The following LRRC37A2 variants were observed in gnomAD, a reference collection of about 807,000 sequenced individuals.
The protein encoded by LRRC37A2 is leucine-rich repeat-containing protein 37A2.
A neutral mutation model predicts 68.8 loss-of-function variants in LRRC37A2; 9 were observed. The ratio of observed to expected loss-of-function variants is 0.13; its 90% CI spans 0.08 to 0.23. The LOEUF (loss-of-function observed/expected upper bound fraction) is 0.23, where lower values mean the gene tolerates loss of function less well. Among genes scored for constraint, LRRC37A2 ranks in the 10% least tolerant of loss-of-function variants. The pLI is 1.00. For missense variants in LRRC37A2, 168 were observed against 950.4 expected, an observed-to-expected ratio of 0.18 and a Z score of 10.82; for synonymous variants, 63 against 367.6, an observed-to-expected ratio of 0.17 and a Z score of 9.48.
the LRRC37A2 span, among the ~76,000 whole-genome samples, chr17:46,959,336 C>A: frequency 6.6e-6 from 1 of 152,200 alleles, no homozygotes; most frequent in Non-Finnish European, 1.5e-5. Context: ...ATAAATCCAA[C>A]CCCGTTCCCC....
chr17:46,622,402 A>G, the LRRC37A2 span, among the ~76,000 whole-genome samples: 1 of 149,412 alleles, frequency 6.7e-6, no homozygotes, highest in Non-Finnish European at 1.5e-5. Flanking sequence ...AGCTTGCAGT[A>G]AGCCGATATC....
the LRRC37A2 span, among the ~76,000 whole-genome samples, chr17:46,626,882 C>CT: frequency 1.3e-3 from 4 of 2,970 alleles, 1 homozygote; most frequent in Non-Finnish European, 0.012. Flanking sequence ...TTTTTTTTTT[C>CT]TTTTTTTTTT....
At chr17:46,732,337 T>G in the LRRC37A2 span, among the ~76,000 whole-genome samples, 1 of 152,066 alleles carries the variant, frequency 6.6e-6, no homozygotes, top group African/African-American at 2.4e-5. Flanking sequence ...TATTCTCTTT[T>G]CTCCTTCCAC....
chr17:46,758,477 A>G, the LRRC37A2 span, among the ~76,000 whole-genome samples: 2 of 152,230 alleles, frequency 1.3e-5, no homozygotes, highest in African/African-American at 4.8e-5. Context: ...GGCTCCAGCT[A>G]GCTGCTGCCT....
At chr17:46,938,636 T>C in the LRRC37A2 span, 5 of 1,614,078 alleles carry the variant, frequency 3.1e-6, no homozygotes, top group African/African-American at 1.3e-5. Flanking sequence ...GCCAACATGC[T>C]GGGCTTGTCC....
At chr17:46,756,774 A>T in the LRRC37A2 span, 2 of 152,588 alleles carry the variant, frequency 1.3e-5, no homozygotes, top group Non-Finnish European at 2.9e-5. Context: ...TAGTGTCTAA[A>T]ACACTATTCT....
chr17:46,873,267 C>T, the LRRC37A2 span, among the ~76,000 whole-genome samples: 2 of 152,088 alleles, frequency 1.3e-5, no homozygotes, highest in Non-Finnish European at 2.9e-5. Flanking sequence ...TCAGTCCCTC[C>T]TTCCCTTCCA....
chr17:46,761,352 G>C, the LRRC37A2 span, among the ~76,000 whole-genome samples: 4 of 145,008 alleles, frequency 2.8e-5, no homozygotes, highest in South Asian at 8.8e-4. Flanking sequence ...TTTTTTTTGA[G>C]ATGGAGTCTC....
At chr17:46,747,976 A>G in the LRRC37A2 span, among the ~76,000 whole-genome samples, 2 of 152,236 alleles carry the variant, frequency 1.3e-5, no homozygotes, top group African/African-American at 4.8e-5. Context: ...GAACATAGGA[A>G]TGAAGAAAAG....
chr17:46,852,384 G>T, the LRRC37A2 span, among the ~76,000 whole-genome samples: 3 of 143,184 alleles, frequency 2.1e-5, no homozygotes, highest in Non-Finnish European at 4.5e-5. Context: ...AGAGTGAGAG[G>T]GCCCAGTGTG....
At chr17:47,000,081 T>TAAAATAAAAATAA in the LRRC37A2 span, among the ~76,000 whole-genome samples, 12 of 15,308 alleles carry the variant, frequency 7.8e-4, no homozygotes, top group South Asian at 3.9e-3. Context: ...AAATAAAAAA[T>TAAAATAAAAATAA]AAAATAAAAT....
chr17:46,684,540 T>G, the LRRC37A2 span, among the ~76,000 whole-genome samples: 733 of 152,002 alleles, frequency 4.8e-3, 9 homozygotes, highest in African/African-American at 0.016. Flanking sequence ...CATGGTACTG[T>G]TACCAAAACA....
chr17:46,707,340 T>C, the LRRC37A2 span, among the ~76,000 whole-genome samples: 1 of 152,246 alleles, frequency 6.6e-6, no homozygotes, highest in Non-Finnish European at 1.5e-5. Context: ...TTGATACAAG[T>C]TCTTTATATA....
chr17:47,015,244 G>A, the LRRC37A2 span, among the ~76,000 whole-genome samples: 3 of 152,152 alleles, frequency 2.0e-5, no homozygotes, highest in Admixed American at 1.3e-4. Context: ...CTGAGCTCAA[G>A]TGATCCACCC....
chr17:46,891,070 G>A, the LRRC37A2 span, among the ~76,000 whole-genome samples: 1 of 151,748 alleles, frequency 6.6e-6, no homozygotes, highest in African/African-American at 2.4e-5. Context: ...CAAAGCACCT[G>A]ATGGGGAGAG....
At chr17:46,888,543 C>CAGTTT in the LRRC37A2 span, among the ~76,000 whole-genome samples, 3 of 152,120 alleles carry the variant, frequency 2.0e-5, no homozygotes, top group African/African-American at 2.4e-5. Flanking sequence ...TTACAGTTTA[C>CAGTTT]ACTAATCCAA....
At chr17:46,992,219 T>TAAATAAATAAATAAA in the LRRC37A2 span, among the ~76,000 whole-genome samples, 18 of 151,520 alleles carry the variant, frequency 1.2e-4, no homozygotes, top group Non-Finnish European at 2.2e-4. Flanking sequence ...AATAAATAAA[T>TAAATAAATAAATAAA]TAGCCAGGTG....
the LRRC37A2 span, among the ~76,000 whole-genome samples, chr17:47,029,934 G>T: frequency 1.3e-5 from 2 of 151,696 alleles, no homozygotes; most frequent in Non-Finnish European, 2.9e-5. Flanking sequence ...ATGGTGGCAG[G>T]CAACTGTAAT....
At chr17:46,825,742 G>T in the LRRC37A2 span, among the ~76,000 whole-genome samples, 1 of 152,228 alleles carries the variant, frequency 6.6e-6, no homozygotes, top group South Asian at 2.1e-4. Context: ...AACAAAACCA[G>T]GCCAGGCATG....
Sources: allele counts gnomAD v4.1 joint callset (sites outside exome capture counted in the v4.1 genomes callset), GRCh38; gene constraint gnomAD v4.1.1; transcripts MANE v1.5; gene names NCBI Gene and HGNC (gene_info 2026-07-23, HGNC 2026-07-21).